Variants in CCDC170 observed in about 807,000 individuals in gnomAD.
CCDC170 encodes coiled-coil domain containing 170, also known as coiled-coil domain-containing protein 170.
CCDC170 carries 69 observed loss-of-function variants against 72.6 expected under a neutral mutation model. That is an observed-to-expected ratio of 0.95 (90% confidence interval 0.78 to 1.16). The LOEUF (loss-of-function observed/expected upper bound fraction) is 1.16, where lower values mean the gene tolerates loss of function less well. Ranked by LOEUF, CCDC170 falls within the 50% of genes most tolerant of loss-of-function variation. The pLI is 0.00. For synonymous variants in CCDC170, 300 were observed against 303.9 expected, an observed-to-expected ratio of 0.99 and a Z score of 0.13; for missense variants, 852 against 832.5, an observed-to-expected ratio of 1.02 and a Z score of -0.29.
chr6:151,521,964 T>C, intron 1 of CCDC170, among the ~76,000 whole-genome samples: 1 of 129,848 alleles, frequency 7.7e-6, no homozygotes, highest in Non-Finnish European at 1.5e-5. Context: ...CCAGCCTGGG[T>C]GACTGAGCGA....
intron 6 of CCDC170, among the ~76,000 whole-genome samples, chr6:151,577,732 C>T (rs540766610): frequency 6.6e-6 from 1 of 152,184 alleles, no homozygotes; most frequent in African/African-American, 2.4e-5. Flanking sequence ...AGGAGGTGAG[C>T]GGTGGGCGAG....
At chr6:151,608,605 G>A (rs1339854302) in intron 9 of CCDC170, among the ~76,000 whole-genome samples, 2 of 152,180 alleles carry the variant, frequency 1.3e-5, no homozygotes, top group African/African-American at 4.8e-5. Context: ...GAGTACTTCA[G>A]TGGCCTAGGG....
At chr6:151,554,958 A>C (rs1450607450) in intron 5 of CCDC170, among the ~76,000 whole-genome samples, 1 of 135,558 alleles carries the variant, frequency 7.4e-6, no homozygotes, top group Admixed American at 8.5e-5. Context: ...GGCTCACTGT[A>C]ACCTCTGCCT....
At chr6:151,587,044 A>G (rs548893737) in intron 7 of CCDC170, among the ~76,000 whole-genome samples, 34 of 152,022 alleles carry the variant, frequency 2.2e-4, no homozygotes, top group Non-Finnish European at 5.9e-5. Context: ...TCGGCCTCCC[A>G]AAGTGCTGGG....
At chr6:151,546,180 A>C (rs995034455) in intron 4 of CCDC170, among the ~76,000 whole-genome samples, 1 of 152,186 alleles carries the variant, frequency 6.6e-6, no homozygotes, top group Non-Finnish European at 1.5e-5. Flanking sequence ...GACTTTGGGA[A>C]GTATTCCACT....
intron 5 of CCDC170, among the ~76,000 whole-genome samples, chr6:151,570,244 T>C (rs1776198928): frequency 3.3e-5 from 5 of 152,198 alleles, no homozygotes; most frequent in African/African-American, 7.2e-5. Context: ...TTAGTGAATA[T>C]ATAATATTCC....
At chr6:151,563,870 C>T (rs536202536) in intron 5 of CCDC170, among the ~76,000 whole-genome samples, 1 of 152,296 alleles carries the variant, frequency 6.6e-6, no homozygotes, top group East Asian at 1.9e-4. Context: ...CTGCCAGCCT[C>T]TTGTTGCTTT....
At chr6:151,590,641 A>G (rs562215544) in intron 7 of CCDC170, among the ~76,000 whole-genome samples, 1 of 152,348 alleles carries the variant, frequency 6.6e-6, no homozygotes, top group East Asian at 1.9e-4. Context: ...AATGAACAAT[A>G]TATACAGTAA....
At chr6:151,595,515 T>A (rs1461595882) in intron 8 of CCDC170, among the ~76,000 whole-genome samples, 1 of 152,140 alleles carries the variant, frequency 6.6e-6, no homozygotes, top group Non-Finnish European at 1.5e-5. Flanking sequence ...TATCTTACTT[T>A]AAAAATATAT....
chr6:151,550,484 A>G (rs1252456769), intron 5 of CCDC170, among the ~76,000 whole-genome samples: 2 of 152,150 alleles, frequency 1.3e-5, no homozygotes, highest in Admixed American at 1.3e-4. Flanking sequence ...CATGATGATA[A>G]TTTCTATTTT....
intron 6 of CCDC170, among the ~76,000 whole-genome samples, chr6:151,581,853 T>C (rs1267089653): frequency 6.6e-6 from 1 of 152,230 alleles, no homozygotes; most frequent in Non-Finnish European, 1.5e-5. Context: ...ACCAGGTATG[T>C]TGTCAATGAG....
At chr6:151,494,392 G>T (rs1781879387) in intron 1 of CCDC170, among the ~76,000 whole-genome samples, 1 of 152,204 alleles carries the variant, frequency 6.6e-6, no homozygotes, top group Non-Finnish European at 1.5e-5. Context: ...TGCGGAGCGC[G>T]TCTGAATTTT....
chr6:151,514,129 C>T (rs1446225944), intron 1 of CCDC170, among the ~76,000 whole-genome samples: 2 of 151,132 alleles, frequency 1.3e-5, no homozygotes, highest in Non-Finnish European at 2.9e-5. Context: ...TGGTGAAACT[C>T]CATCTCTAAA....
intron 5 of CCDC170, among the ~76,000 whole-genome samples, chr6:151,562,413 A>G (rs1776050709): frequency 6.6e-6 from 1 of 151,944 alleles, no homozygotes; most frequent in African/African-American, 2.4e-5. Flanking sequence ...TCTTAGGGGT[A>G]TGGCTGTGAT....
At chr6:151,512,162 GT>G (rs546546640) in intron 1 of CCDC170, among the ~76,000 whole-genome samples, 1,352 of 126,334 alleles carry the variant, frequency 0.011, 12 homozygotes, top group African/African-American at 0.033. Context: ...GTTTTTTTTT[GT>G]TTTTTTTTTT....
chr6:151,602,148 A>T (rs1228469180), intron 9 of CCDC170, among the ~76,000 whole-genome samples: 1 of 152,166 alleles, frequency 6.6e-6, no homozygotes, highest in Non-Finnish European at 1.5e-5. Context: ...CCAGGCTGTA[A>T]ATTTACTCCT....
At chr6:151,521,101 G>A (rs1262138725) in intron 1 of CCDC170, among the ~76,000 whole-genome samples, 2 of 152,130 alleles carry the variant, frequency 1.3e-5, no homozygotes, top group African/African-American at 4.8e-5. Flanking sequence ...TTACTATGAA[G>A]GTGTGCATGC....
intron 6 of CCDC170, among the ~76,000 whole-genome samples, chr6:151,581,605 C>T (rs1776380270): frequency 6.6e-6 from 1 of 152,298 alleles, no homozygotes; most frequent in Admixed American, 6.5e-5. Flanking sequence ...TTATGAATGT[C>T]CTTAATGGTA....
intron 1 of CCDC170, among the ~76,000 whole-genome samples, chr6:151,522,186 A>G (rs1430132687): frequency 6.6e-6 from 1 of 152,104 alleles, no homozygotes; most frequent in Non-Finnish European, 1.5e-5. Context: ...CACTTTAAAG[A>G]TAATACTATA....
Sources: gnomAD v4.1 joint callset for allele counts (sites outside exome capture counted in the v4.1 genomes callset) on GRCh38, gnomAD v4.1.1 for gene constraint, MANE v1.5 for transcripts, NCBI Gene and HGNC (gene_info 2026-07-23, HGNC 2026-07-21) for gene names.